NAALADL2: variants seen among roughly 807,000 people sequenced by gnomAD.
NAALADL2 encodes N-acetylated alpha-linked acidic dipeptidase like 2, also known as inactive N-acetylated-alpha-linked acidic dipeptidase-like protein 2.
In NAALADL2, 76 loss-of-function variants were observed where a neutral mutation model predicts 87.2. The observed-to-expected ratio is 0.87, with a 90% CI of 0.72 to 1.05. The LOEUF (loss-of-function observed/expected upper bound fraction) is 1.05. Ranked by LOEUF, NAALADL2 falls within the 50% of genes least tolerant of loss-of-function variation. The pLI, the probability that NAALADL2 is intolerant of heterozygous loss-of-function variation, is 0.00. For synonymous variants in NAALADL2, 354 were observed against 331.0 expected, an observed-to-expected ratio of 1.07 and a Z score of -0.75; for missense variants, 1,089 against 945.8, an observed-to-expected ratio of 1.15 and a Z score of -1.99.
chr3:175,421,450 G>A (rs1264315253), intron 5 of NAALADL2, among the ~76,000 whole-genome samples: 3 of 152,044 alleles, frequency 2.0e-5, no homozygotes, highest in Non-Finnish European at 4.4e-5. Context: ...TAAAGTTCAA[G>A]AACCGCTGGT....
intron 2 of NAALADL2, among the ~76,000 whole-genome samples, chr3:174,602,301 T>C (rs1718534730): frequency 6.6e-6 from 1 of 152,028 alleles, no homozygotes; most frequent in African/African-American, 2.4e-5. Flanking sequence ...ATTTCTTTCA[T>C]CAGTTTTTAT....
rs1471572102 is a variant in NAALADL2 at position 175,343,660 on chromosome 3, T to TTTTTG, written c.1090+19339_1090+19340insGTTTT. Among the ~76,000 whole-genome samples, 1,215 of 133,298 alleles carry TTTTTG rather than the reference T, an allele frequency of 9.1e-3. 68 individuals are homozygous for TTTTTG. The highest frequency in any genetic ancestry group is 0.036 in the African/African-American group (1,143 of 31,836). The allele number at this position is 133,298 out of a possible 152,430, so 87.4% of individuals were successfully genotyped here. On this transcript the variant is annotated intron_variant, in intron 5 of 13. Transcript: ENST00000454872. Reference sequence around the variant, plus strand: ...TTCCTGTGTGTCTTGATCATGTTTTTTTTTTTTTTTTTTTTTCCCTTCCCA... The same window carrying TTTTTG: ...TTCCTGTGTGTCTTGATCATGTTTTTTTTTGTTTTTTTTTTTTTTTTCCCTTCCCA...
intron 10 of NAALADL2, among the ~76,000 whole-genome samples, chr3:175,585,211 C>G (rs73169502): frequency 2.6e-5 from 4 of 151,658 alleles, no homozygotes. Flanking sequence ...ACACACTAAC[C>G]GAGGCCTCCA....
intron 9 of NAALADL2, among the ~76,000 whole-genome samples, chr3:175,508,858 G>A (rs754695479): frequency 6.6e-6 from 1 of 152,074 alleles, no homozygotes; most frequent in Admixed American, 6.6e-5. Context: ...GCTCATGCCT[G>A]TAATCCCAGC....
At chr3:174,787,598 T>TACATATATATATATATACACAC in intron 3 of NAALADL2, among the ~76,000 whole-genome samples, 4 of 60,176 alleles carry the variant, frequency 6.6e-5, no homozygotes, top group Non-Finnish European at 1.1e-4. Flanking sequence ...TATATATATA[T>TACATATATATATATATACACAC]ATATATATAT....
chr3:175,324,099 C>A, intron 4 of NAALADL2, 76 bp from the exon 5 acceptor site: 5 of 1,099,906 alleles, frequency 4.5e-6, no homozygotes, highest in South Asian at 3.2e-5. Context: ...TTATCATAGC[C>A]ACATTGGCAA....
At chr3:174,649,110 C>T (rs1395107880) in intron 2 of NAALADL2, among the ~76,000 whole-genome samples, 1 of 151,878 alleles carries the variant, frequency 6.6e-6, no homozygotes, top group Non-Finnish European at 1.5e-5. Context: ...ATTACAGGCT[C>T]CTGCCACCGA....
chr3:175,439,731 C>CTTTTTTTTT (rs535237866), intron 5 of NAALADL2, among the ~76,000 whole-genome samples: 23 of 113,750 alleles, frequency 2.0e-4, no homozygotes, highest in Middle Eastern at 5.4e-3. Context: ...GTTTTTTTTT[C>CTTTTTTTTT]TTTTTTTTCT....
intron 4 of NAALADL2, among the ~76,000 whole-genome samples, chr3:175,270,163 G>A (rs968436595): frequency 2.6e-5 from 4 of 152,144 alleles, no homozygotes; most frequent in Admixed American, 2.0e-4. Flanking sequence ...AGCTGATTGA[G>A]TGGTTACAAT....
At chr3:175,743,623 G>A (rs1475153798) in intron 12 of NAALADL2, among the ~76,000 whole-genome samples, 1 of 152,220 alleles carries the variant, frequency 6.6e-6, no homozygotes, top group Non-Finnish European at 1.5e-5. Context: ...TCTTAACTGG[G>A]GTTGGAATAA....
chr3:175,545,924 CAA>C (rs1238827779), intron 9 of NAALADL2, among the ~76,000 whole-genome samples: 8 of 152,046 alleles, frequency 5.3e-5, no homozygotes, highest in Non-Finnish European at 8.8e-5. Context: ...TTCTGCAAGA[CAA>C]AGTGATTTAT....
intron 11 of NAALADL2, among the ~76,000 whole-genome samples, chr3:175,672,389 C>A (rs1734120881): frequency 6.6e-6 from 1 of 152,102 alleles, no homozygotes; most frequent in African/African-American, 2.4e-5. Context: ...TCCTCTTATC[C>A]TGTGGATGCT....
At chr3:175,381,224 T>C (rs1367402504) in intron 5 of NAALADL2, among the ~76,000 whole-genome samples, 1 of 151,624 alleles carries the variant, frequency 6.6e-6, no homozygotes, top group African/African-American at 2.4e-5. Context: ...AGTATTTTGG[T>C]TATTAAATTC....
At chr3:174,507,498 G>T (rs1719268723) in intron 1 of NAALADL2, among the ~76,000 whole-genome samples, 1 of 151,794 alleles carries the variant, frequency 6.6e-6, no homozygotes, top group Non-Finnish European at 1.5e-5. Context: ...TGCATTAATA[G>T]GTATATAGCC....
At chr3:175,667,242 A>AG (rs61036736) in intron 11 of NAALADL2, among the ~76,000 whole-genome samples, 1,861 of 66,726 alleles carry the variant, frequency 0.028, 30 homozygotes, top group Non-Finnish European at 0.034. Context: ...AAAGAAAGAA[A>AG]AAGAAAGAAA....
chr3:174,912,737 C>T (rs1733868803), intron 1 of NAALADL2, among the ~76,000 whole-genome samples: 1 of 152,144 alleles, frequency 6.6e-6, no homozygotes, highest in Admixed American at 6.5e-5. Flanking sequence ...TGGTCTGTTT[C>T]ATGATCAGCA....
At chr3:175,132,177 GC>G (rs1240844522) in intron 2 of NAALADL2, among the ~76,000 whole-genome samples, 16 of 101,562 alleles carry the variant, frequency 1.6e-4, no homozygotes, top group African/African-American at 2.8e-4. Context: ...AGCTGGCTGG[GC>G]AGAGGGGCTC....
In NAALADL2 at chr3:175,758,274, T is replaced by C. The variant is rs75743304; in HGVS notation, c.2189+2856T>C. 7.5e-3 allele frequency among the ~76,000 whole-genome samples: 1,144 copies of C among 152,188 alleles called. 48 individuals are homozygous for C. Among genetic ancestry groups the C allele is most frequent in the East Asian group, 0.066 (342 of 5,188 alleles). ...ATGTTCTAACTCATATAACAAACTT[T>C]AGGACTGAAAGTTTCTGGTTCACTC... On this transcript the variant is annotated intron_variant, in intron 13 of 13. Coordinates refer to ENST00000454872, the MANE Select transcript of NAALADL2 (RefSeq NM_207015.3).
chr3:174,900,233 A>C (rs950628916), intron 1 of NAALADL2, among the ~76,000 whole-genome samples: 1 of 152,080 alleles, frequency 6.6e-6, no homozygotes, highest in Non-Finnish European at 1.5e-5. Flanking sequence ...TATAGATAAA[A>C]TGGACAAGTT....
Sources: allele counts gnomAD v4.1 joint callset (sites outside exome capture counted in the v4.1 genomes callset), GRCh38; gene constraint gnomAD v4.1.1; transcripts MANE v1.5; gene names NCBI Gene and HGNC (gene_info 2026-07-23, HGNC 2026-07-21).